The following ENOX1 variants were observed in gnomAD, a reference collection of about 807,000 sequenced individuals.
ENOX1 encodes ecto-NOX disulfide-thiol exchanger 1.
A neutral mutation model predicts 82.5 loss-of-function variants in ENOX1; 42 were observed. The observed-to-expected ratio is 0.51, with a 90% CI of 0.40 to 0.66. The LOEUF (loss-of-function observed/expected upper bound fraction) is 0.66. Ranked by LOEUF, ENOX1 falls within the 30% of genes least tolerant of loss-of-function variation. The pLI, the probability that ENOX1 is intolerant of heterozygous loss-of-function variation, is 0.00. For missense variants in ENOX1, 608 were observed against 811.6 expected (o/e 0.75, Z 3.05); for synonymous variants, 271 against 282.2 (o/e 0.96, Z 0.40).
chr13:43,763,355 G>C (rs546637285), intron 1 of ENOX1, among the ~76,000 whole-genome samples: 1 of 152,112 alleles, frequency 6.6e-6, no homozygotes, highest in Non-Finnish European at 1.5e-5. Context: ...AGTGTAAAGG[G>C]GGCAAGGGAG....
chr13:43,637,626 A>G (rs2291762), intron 2 of ENOX1, among the ~76,000 whole-genome samples: 8,017 of 151,700 alleles, frequency 0.053, 609 homozygotes, highest in East Asian at 0.34. Flanking sequence ...ATCTCAGGAC[A>G]ATCTAGTTGC....
At chr13:43,745,302 T>A (rs1396430191) in intron 1 of ENOX1, among the ~76,000 whole-genome samples, 1 of 151,968 alleles carries the variant, frequency 6.6e-6, no homozygotes, top group African/African-American at 2.4e-5. Flanking sequence ...AAAATAAAAT[T>A]TATCCACATG....
intron 2 of ENOX1, among the ~76,000 whole-genome samples, chr13:43,577,926 T>A (rs959302038): frequency 3.9e-5 from 6 of 152,128 alleles, no homozygotes; most frequent in African/African-American, 1.4e-4. Flanking sequence ...ATAGTCACCA[T>A]AATTACCCAG....
In ENOX1 at chr13:43,607,422, G is replaced by GT. The variant is rs562101618; in HGVS notation, c.-219+60056dup. On this transcript the variant is annotated intron_variant, in intron 2 of 16. Transcript: ENST00000690772. ...TTATTTGTAACCGCATAGTTTGTTGGTAAAAAGTTCCCTACAATTTTCCTT... is the reference window on the plus strand; with the variant it reads ...TTATTTGTAACCGCATAGTTTGTTGGTTAAAAAGTTCCCTACAATTTTCCTT... Among the ~76,000 whole-genome samples the GT allele has an allele frequency of 7.2e-5, 11 of 152,110 alleles. No homozygotes were observed. The South Asian group carries it at 2.3e-3, about 32-fold the overall frequency.
intron 2 of ENOX1, among the ~76,000 whole-genome samples, chr13:43,616,174 C>CTATATATCTAGATATATAGA (rs1555341808): frequency 8.6e-4 from 8 of 9,280 alleles, no homozygotes; most frequent in African/African-American, 1.6e-3. Context: ...ATCTATCTAT[C>CTATATATCTAGATATATAGA]TATCTATCTA....
intron 14 of ENOX1, among the ~76,000 whole-genome samples, chr13:43,253,699 G>T (rs146639065): frequency 0.011 from 1,699 of 152,296 alleles, 32 homozygotes; most frequent in African/African-American, 0.039. Context: ...CTAAGAGGAA[G>T]GGGAGTTCAC....
chr13:43,525,368 TC>T (rs944390424), intron 2 of ENOX1, among the ~76,000 whole-genome samples: 1 of 152,232 alleles, frequency 6.6e-6, no homozygotes, highest in Non-Finnish European at 1.5e-5. Flanking sequence ...AAACTACAAA[TC>T]ATTATATGCA....
chr13:43,474,200 T>TTTG (rs779839962), intron 3 of ENOX1, among the ~76,000 whole-genome samples: 6 of 152,124 alleles, frequency 3.9e-5, no homozygotes, highest in Non-Finnish European at 8.8e-5. Flanking sequence ...AGCGAGGGTT[T>TTTG]TTGTTGTTGT....
intron 2 of ENOX1, among the ~76,000 whole-genome samples, chr13:43,492,207 T>C (rs9562494): frequency 0.1 from 15,617 of 152,194 alleles, 880 homozygotes; most frequent in East Asian, 0.26. Context: ...TATGAGAAAC[T>C]AAATCCTACC....
intron 9 of ENOX1, among the ~76,000 whole-genome samples, chr13:43,327,854 CT>C (rs1279720479): frequency 1.3e-5 from 2 of 152,182 alleles, no homozygotes; most frequent in East Asian, 1.9e-4. Flanking sequence ...ATCGTGAATA[CT>C]TTTCTATGCT....
intron 2 of ENOX1, among the ~76,000 whole-genome samples, chr13:43,493,887 C>G (rs1402310267): frequency 6.6e-6 from 1 of 152,194 alleles, no homozygotes; most frequent in Non-Finnish European, 1.5e-5. Context: ...ACAGGTTTAA[C>G]TGACTCACAG....
chr13:43,355,959 G>A lies in ENOX1; in HGVS notation c.783C>T (p.Tyr261=), dbSNP rs1566589780. ...CCAGCAGAGCGGCTTCGTGCTCCGA[G>A]TAGTGCATTATGGCAGGCGGGGATG... The part of the protein sequence containing the change: ...RPPSPPAIMH[Y]SEHEAALLAE... The change falls in exon 8 of 17, where the codon TAC becomes TAT. Residue 261 remains tyrosine, a synonymous_variant. Coordinates refer to ENST00000690772, the MANE Select transcript of ENOX1 (RefSeq NM_001347969.2). 1 of 1,614,096 alleles carries A rather than the reference G, an allele frequency of 6.2e-7. No individual in the cohort carries two copies. The highest frequency in any genetic ancestry group is 2.2e-5 in the East Asian group (1 of 44,874).
intron 1 of ENOX1, among the ~76,000 whole-genome samples, chr13:43,716,465 G>T (rs1027487317): frequency 6.6e-6 from 1 of 152,040 alleles, no homozygotes; most frequent in African/African-American, 2.4e-5. Context: ...GGCCATCTTC[G>T]CTCCGCCAAG....
chr13:43,275,005 C>A (rs2044922937), intron 12 of ENOX1, among the ~76,000 whole-genome samples: 1 of 152,182 alleles, frequency 6.6e-6, no homozygotes, highest in Admixed American at 6.5e-5. Flanking sequence ...GTCATGCTGT[C>A]TGGGAGACAC....
chr13:43,697,744 G>A (rs1215998082), intron 1 of ENOX1, among the ~76,000 whole-genome samples: 1 of 152,186 alleles, frequency 6.6e-6, no homozygotes, highest in African/African-American at 2.4e-5. Flanking sequence ...AGGCTTTGCT[G>A]GAAGGATACA....
At chr13:43,695,748 T>A (rs2086611126) in intron 1 of ENOX1, among the ~76,000 whole-genome samples, 1 of 152,146 alleles carries the variant, frequency 6.6e-6, no homozygotes, top group South Asian at 2.1e-4. Flanking sequence ...GCACCCGGCC[T>A]CATTTTTTTC....
chr13:43,785,698 G>A (rs1318896569), intron 1 of ENOX1, among the ~76,000 whole-genome samples: 1 of 152,154 alleles, frequency 6.6e-6, no homozygotes, highest in Non-Finnish European at 1.5e-5. Context: ...TTGCCCACCT[G>A]TCGACCCCAC....
intron 3 of ENOX1, among the ~76,000 whole-genome samples, chr13:43,470,221 T>A: frequency 1.0e-5 from 1 of 95,846 alleles, no homozygotes; most frequent in African/African-American, 3.3e-5. Flanking sequence ...TATATATGTG[T>A]GTGTATGTGT....
At chr13:43,638,544 G>A (rs1234632778) in intron 2 of ENOX1, among the ~76,000 whole-genome samples, 1 of 152,132 alleles carries the variant, frequency 6.6e-6, no homozygotes, top group Non-Finnish European at 1.5e-5. Flanking sequence ...AAACCAAAAA[G>A]TTTAAATCTG....
Sources: allele counts gnomAD v4.1 joint callset (sites outside exome capture counted in the v4.1 genomes callset), GRCh38; gene constraint gnomAD v4.1.1; transcripts MANE v1.5; gene names NCBI Gene and HGNC (gene_info 2026-07-23, HGNC 2026-07-21).